The following NRK variants were observed in gnomAD, a reference collection of about 807,000 sequenced individuals.
NRK encodes the protein nik-related protein kinase.
In NRK, 67 loss-of-function variants were observed where a neutral mutation model predicts 125.2. That is an observed-to-expected ratio of 0.54 (90% CI 0.44 to 0.66). The LOEUF is 0.66. Ranked by LOEUF, NRK falls within the 30% of genes least tolerant of loss-of-function variation. NRK has a pLI of 0.00. For synonymous variants in NRK, 458 were observed against 429.0 expected (o/e 1.07, Z -0.84); for missense variants, 1,224 against 1,192.9 (o/e 1.03, Z -0.38).
At chrX:105,916,885 A>G (rs1331473887) in intron 15 of NRK, among the ~76,000 whole-genome samples, 1 of 111,880 alleles carries the variant, frequency 8.9e-6, no homozygotes, top group African/African-American at 3.2e-5. Flanking sequence ...GCCTTTAAAT[A>G]TAGTTAAATT....
intron 27 of NRK, 54 bp downstream of exon 27, chrX:105,949,788 A>T (rs2040867722): frequency 1.2e-6 from 1 of 815,729 alleles, no homozygotes; most frequent in African/African-American, 2.1e-5. Context: ...TTACAAGGGT[A>T]AAAAAGTGTC....
In NRK at chrX:105,909,101, C is replaced by T. The variant is rs912626179; in HGVS notation, c.1460C>T (p.Ala487Val). The T allele has an allele frequency of 2.5e-6, 3 of 1,210,933 alleles. No individual in the cohort carries two copies. Among genetic ancestry groups the T allele is most frequent in the Admixed American group, 2.2e-5 (1 of 46,069 alleles). ...VLMPLQAQVR[A>V]PRLLQVQSQV... ...ATGCCACTACAGGCACAGGTTAGGG[C>T]ACCTAGGCTTCTGCAGGTACAGTCC... Residue 487 changes from alanine to valine, a missense_variant, in exon 13 of 29, where the codon GCA becomes GTA. By Grantham distance (64) the Ala-to-Val change is moderately conservative (BLOSUM62 0). Transcript: ENST00000243300.
chrX:105,863,100 C>A (rs2039622661), intron 2 of NRK, among the ~76,000 whole-genome samples: 1 of 111,439 alleles, frequency 9.0e-6, no homozygotes, highest in South Asian at 3.8e-4. Context: ...TTTATGAAAC[C>A]TCAGCCCAGG....
chrX:105,893,224 C>T (rs1256451647), intron 5 of NRK, among the ~76,000 whole-genome samples: 1 of 111,498 alleles, frequency 9.0e-6, no homozygotes, highest in Non-Finnish European at 1.9e-5. Flanking sequence ...AGTAGCAATC[C>T]CATTTGGATG....
At chrX:105,853,292 C>G (rs755883674) in intron 2 of NRK, among the ~76,000 whole-genome samples, 6 of 111,898 alleles carry the variant, frequency 5.4e-5, no homozygotes, top group Non-Finnish European at 9.4e-5. Flanking sequence ...AGCAGGCAAT[C>G]TGTGTTTTAA....
intron 2 of NRK, among the ~76,000 whole-genome samples, chrX:105,872,184 C>G (rs2039756625): frequency 9.0e-6 from 1 of 111,022 alleles, no homozygotes; most frequent in African/African-American, 3.3e-5. Context: ...ATACAGATAT[C>G]AAATAACAGA....
rs2040383747 is a variant in NRK, at chrX:105,917,655, A to C, written c.2495A>C (p.Asn832Thr). The C allele has an allele frequency of 5.2e-6, 6 of 1,146,191 alleles. No homozygotes were observed. In the African/African-American group the frequency reaches 7.1e-5, roughly 14 times the overall value. The allele number at this position is 1,146,191 out of a possible 1,213,427, so 94.5% of individuals were successfully genotyped here. Reference sequence around the variant, plus strand: ...CAAAGGAGTTCGCAAAATCGTCAAAATTGGCTGGCAGCATCAGGTGATTCA... The same window carrying C: ...CAAAGGAGTTCGCAAAATCGTCAAACTTGGCTGGCAGCATCAGGTGATTCA... Reference protein sequence around the residue: ...IRQRSSQNRQNWLAASESSSE... With the variant: ...IRQRSSQNRQTWLAASESSSE... The change falls in exon 16 of 29, where the codon AAT becomes ACT. Residue 832 changes from asparagine to threonine, a missense_variant. Asn to Thr is a moderately conservative substitution (Grantham distance 65). Coordinates refer to ENST00000243300, the MANE Select transcript of NRK (RefSeq NM_198465.4).
rs749463689 is a variant in NRK at position 105,955,455 on chromosome X, G to T, written c.4654-50G>T. 55 of 681,987 alleles carry T rather than the reference G, an allele frequency of 8.1e-5. No homozygotes were observed. The African/African-American group carries it at 1.0e-3, about 13-fold the overall frequency. 56.2% of individuals were successfully genotyped at this position (681,987 alleles called of 1,213,427 possible). A position where few individuals can be genotyped will look rare whatever the true frequency, so the allele number is the denominator to read the frequency against. ...AAATTATAGTTATATGAAATATCTG[G>T]TTGCAATGTATTAAATATCTGTTGA... On this transcript the variant is annotated intron_variant, in intron 28 of 28. Transcript: ENST00000243300.
chrX:105,948,614 A>G, intron 26 of NRK: 1 of 487,902 alleles, frequency 2.0e-6, no homozygotes, highest in Non-Finnish European at 3.6e-6. Flanking sequence ...CTCTTCCTTT[A>G]TCTTTTTTTT....
intron 4 of NRK, among the ~76,000 whole-genome samples, chrX:105,887,906 T>G (rs1312514399): frequency 8.9e-6 from 1 of 112,156 alleles, no homozygotes; most frequent in Non-Finnish European, 1.9e-5. Context: ...TGTATAAATA[T>G]ACTAAAAACC....
intron 21 of NRK, among the ~76,000 whole-genome samples, chrX:105,936,985 T>A (rs1242157951): frequency 9.0e-6 from 1 of 111,107 alleles, no homozygotes; most frequent in Non-Finnish European, 1.9e-5. Context: ...ACTCTTTGTA[T>A]GTGCTAGACT....
intron 2 of NRK, among the ~76,000 whole-genome samples, chrX:105,853,100 A>G (rs2039492186): frequency 9.0e-6 from 1 of 111,432 alleles, no homozygotes; most frequent in African/African-American, 3.3e-5. Flanking sequence ...ACCTTTTGGT[A>G]TGGTTGATTC....
chrX:105,873,557 TA>T (rs1355072318), intron 2 of NRK, among the ~76,000 whole-genome samples: 3 of 111,829 alleles, frequency 2.7e-5, no homozygotes, highest in Admixed American at 1.9e-4. Context: ...AGATTTTATT[TA>T]AAAAAATTTT....
At chrX:105,940,888 A>G (rs1182805566) in intron 23 of NRK, among the ~76,000 whole-genome samples, 5 of 112,022 alleles carry the variant, frequency 4.5e-5, no homozygotes, top group Non-Finnish European at 9.4e-5. Context: ...CTGACTGACC[A>G]TTATTGTTCT....
chrX:105,919,875 T>G (rs1278297832), intron 16 of NRK, among the ~76,000 whole-genome samples: 1 of 110,350 alleles, frequency 9.1e-6, no homozygotes, highest in African/African-American at 3.3e-5. Flanking sequence ...TTTCTTTTGC[T>G]GTGCAGAAGC....
chrX:105,888,652 A>G (rs2039978668), intron 5 of NRK, among the ~76,000 whole-genome samples: 1 of 111,201 alleles, frequency 9.0e-6, no homozygotes. Context: ...AAGAGTTTTC[A>G]TTGACTCACA....
chrX:105,908,381 G>A (rs1416094079), intron 12 of NRK, 78 bp downstream of exon 12: 1 of 507,163 alleles, frequency 2.0e-6, no homozygotes, highest in Non-Finnish European at 3.1e-6. Context: ...GTTGCCTTTG[G>A]TTCAGAAAGA....
intron 2 of NRK, among the ~76,000 whole-genome samples, chrX:105,863,848 T>C (rs1026659672): frequency 5.4e-5 from 6 of 112,033 alleles, no homozygotes; most frequent in Admixed American, 9.5e-5. Context: ...TATGTGGTAA[T>C]TTATGAAAAT....
At chrX:105,863,155 A>G (rs947189034) in intron 2 of NRK, among the ~76,000 whole-genome samples, 2 of 112,030 alleles carry the variant, frequency 1.8e-5, no homozygotes, top group African/African-American at 6.5e-5. Context: ...CAAGAAGTAA[A>G]GCCACTGTGA....
Sources: allele counts gnomAD v4.1 joint callset (sites outside exome capture counted in the v4.1 genomes callset), GRCh38; gene constraint gnomAD v4.1.1; transcripts MANE v1.5; gene names NCBI Gene and HGNC (gene_info 2026-07-23, HGNC 2026-07-21).